The following TIAM2 variants were observed in gnomAD, a reference collection of about 807,000 sequenced individuals.
TIAM2 encodes TIAM Rac1 associated GEF 2.
In TIAM2, 80 loss-of-function variants were observed where a neutral mutation model predicts 152.9. The observed-to-expected ratio is 0.52, with a 90% CI of 0.44 to 0.63. The LOEUF (loss-of-function observed/expected upper bound fraction) is 0.63. Among genes scored for constraint, TIAM2 ranks in the 30% least tolerant of loss-of-function variants. The pLI is 0.00. For missense variants in TIAM2, 1,965 were observed against 2,120.1 expected (o/e 0.93, Z 1.44); for synonymous variants, 804 against 838.0 (o/e 0.96, Z 0.70).
chr6:155,105,895 G>T (rs1386969907), intron 2 of TIAM2, among the ~76,000 whole-genome samples: 4 of 151,894 alleles, frequency 2.6e-5, no homozygotes, highest in Non-Finnish European at 5.9e-5. Flanking sequence ...AAATATGAAG[G>T]TTTGTGATCC....
At chr6:155,225,378 C>T (rs184985459) in intron 15 of TIAM2, among the ~76,000 whole-genome samples, 16 of 152,258 alleles carry the variant, frequency 1.1e-4, no homozygotes, top group African/African-American at 2.2e-4. Flanking sequence ...ATTTGAGCAC[C>T]GAGGTCTTGA....
Position 155,240,721 on chromosome 6 carries a change from G to C in TIAM2, c.3348+12G>C, listed in dbSNP as rs771999403. 2.5e-6 allele frequency: 4 copies of C among 1,603,654 alleles called. No individual in the cohort carries two copies. The Admixed American group carries it at 6.7e-5, about 27-fold the overall frequency. ...AGTCCTACGTGAAGGTAAGGGAAGAGCTGGCATTTATGCATTCGTGCCTCT... is the reference window on the plus strand; with the variant it reads ...AGTCCTACGTGAAGGTAAGGGAAGACCTGGCATTTATGCATTCGTGCCTCT... On this transcript the variant is annotated intron_variant, in intron 16 of 26. Coordinates refer to ENST00000682666, the MANE Select transcript of TIAM2 (RefSeq NM_012454.4).
At chr6:155,089,449 C>T (rs924940835) in intron 1 of TIAM2, among the ~76,000 whole-genome samples, 1 of 152,244 alleles carries the variant, frequency 6.6e-6, no homozygotes, top group South Asian at 2.1e-4. Context: ...TCAAGTGATC[C>T]GCCCACCTTG....
intron 14 of TIAM2, among the ~76,000 whole-genome samples, chr6:155,202,968 A>G (rs1182146488): frequency 6.8e-6 from 1 of 146,654 alleles, no homozygotes; most frequent in East Asian, 2.0e-4. Flanking sequence ...CACGAGAATT[A>G]CACCTGGGAG....
chr6:155,213,618 C>T lies in TIAM2; in HGVS notation c.3168+2311C>T, dbSNP rs571289303. 5.3e-5 allele frequency among the ~76,000 whole-genome samples: 8 copies of T among 152,306 alleles called. No homozygotes were observed. The highest frequency in any genetic ancestry group is 4.1e-4 in the South Asian group (2 of 4,822). The stretch of plus-strand genomic sequence containing the variant: ...CAGCCCCCAGACTTCAGGCCTTCCC[C>T]GGCTTGAAAGTGGGGCTTTTCTGGG... On this transcript the variant is annotated intron_variant, in intron 15 of 26. Transcript: ENST00000682666. This position sits in a 1 kb window ranked among gnomAD's most constrained non-coding sequence, Gnocchi z 4.2.
In TIAM2 at chr6:155,249,879, G is replaced by A. The variant is rs777369325; in HGVS notation, c.3861G>A (p.Ala1287=). ...CACTAAAGGCAATGGAGAAAGTAGCGAGCCACATCAATGAGATGCAGAAGA... is the reference window on the plus strand; with the variant it reads ...CACTAAAGGCAATGGAGAAAGTAGCAAGCCACATCAATGAGATGCAGAAGA... The part of the protein sequence containing the change: ...TEALKAMEKV[A]SHINEMQKIY... Residue 1287 remains alanine, a synonymous_variant, in exon 21 of 27, where the codon GCG becomes GCA. Transcript: ENST00000682666. 13 of 1,613,748 alleles carry A rather than the reference G, an allele frequency of 8.1e-6. No homozygotes were observed. The Admixed American group carries it at 1.0e-4, about 12-fold the overall frequency.
intron 5 of TIAM2, among the ~76,000 whole-genome samples, chr6:155,139,184 C>T (rs763391634): frequency 6.6e-6 from 1 of 152,224 alleles, no homozygotes; most frequent in African/African-American, 2.4e-5. Context: ...CTCAATTACC[C>T]CTTTCTAGCT....
chr6:155,252,073 A>C, intron 23 of TIAM2, 70 bp downstream of exon 23: 1 of 1,280,550 alleles, frequency 7.8e-7, no homozygotes, highest in Middle Eastern at 1.9e-4. Flanking sequence ...CGTTGAACTG[A>C]AAAGCCCACT....
intron 14 of TIAM2, among the ~76,000 whole-genome samples, chr6:155,209,125 C>T (rs1282037155): frequency 6.6e-6 from 1 of 152,044 alleles, no homozygotes; most frequent in Admixed American, 6.5e-5. Flanking sequence ...CACTCAGCAG[C>T]CTGTGGGCTT....
Position 155,256,578 on chromosome 6 carries a change from C to G in TIAM2, c.4563C>G (p.Gly1521=). 6.2e-7 allele frequency: 1 copy of G among 1,614,190 alleles called. No homozygotes were observed. Among genetic ancestry groups the G allele is most frequent in the Non-Finnish European group, 8.5e-7 (1 of 1,180,038 alleles). The change falls in exon 27 of 27, where the codon GGC becomes GGG. Residue 1521 remains glycine (G), a synonymous_variant. Transcript: ENST00000682666. ...GKGTLLDSDE[G]SLSSGTQSSG... is the part of the protein sequence containing the mutation. ...GAACCTTGCTGGACTCTGACGAGGG[C>G]AGCTTGAGCAGCGGCACCCAGAGCA...
chr6:155,053,375 G>A (rs1166072800), intron 1 of TIAM2, among the ~76,000 whole-genome samples: 4 of 151,088 alleles, frequency 2.6e-5, no homozygotes, highest in African/African-American at 9.7e-5. Context: ...GGCTGCTCTT[G>A]AACTCTTGAT....
At chr6:155,128,962 A>G (rs1779367800) in intron 3 of TIAM2, among the ~76,000 whole-genome samples, 1 of 152,166 alleles carries the variant, frequency 6.6e-6, no homozygotes. Context: ...TTCGCCTTCT[A>G]AATTAATATT....
At chr6:155,199,812 T>C (rs187880949) in intron 14 of TIAM2, among the ~76,000 whole-genome samples, 34 of 152,338 alleles carry the variant, frequency 2.2e-4, no homozygotes, top group Non-Finnish European at 4.0e-4. Flanking sequence ...TTCCTAATAA[T>C]AGCAGGCTGT....
intron 2 of TIAM2, among the ~76,000 whole-genome samples, chr6:155,107,117 C>T (rs73573766): frequency 0.023 from 3,482 of 152,100 alleles, 143 homozygotes; most frequent in African/African-American, 0.079. Flanking sequence ...TTCTTATTAA[C>T]GAACAGACCC....
intron 1 of TIAM2, among the ~76,000 whole-genome samples, chr6:155,029,742 C>CTATATA (rs60980296): frequency 7.9e-5 from 10 of 126,580 alleles, no homozygotes; most frequent in Non-Finnish European, 9.8e-5. Context: ...TAGTATATAA[C>CTATATA]TATATATATA....
intron 1 of TIAM2, among the ~76,000 whole-genome samples, chr6:155,029,415 TAC>T (rs1776747890): frequency 1.1e-5 from 1 of 90,252 alleles, no homozygotes; most frequent in South Asian, 2.9e-4. Context: ...ATATAATATA[TAC>T]TATATATACT....
intron 14 of TIAM2, among the ~76,000 whole-genome samples, chr6:155,206,145 G>A (rs368792318): frequency 6.6e-6 from 1 of 152,198 alleles, no homozygotes; most frequent in East Asian, 1.9e-4. Flanking sequence ...AAAGCCAGAT[G>A]TGTTCCCCAG....
rs1428392415 is a variant in TIAM2, at chr6:155,156,583, A to G, written c.2029-7832A>G. ...TGAGGCAGGAGAATCGCTTGAACCC[A>G]GGAAGCAGAGGTTTCCATGAGCTGA... On this transcript the variant is annotated intron_variant, in intron 7 of 26. Coordinates refer to ENST00000682666, the MANE Select transcript of TIAM2 (RefSeq NM_012454.4). This position sits in a 1 kb window ranked among gnomAD's most constrained non-coding sequence, Gnocchi z 4.4. Among the ~76,000 whole-genome samples the G allele has an allele frequency of 1.3e-5, 2 of 152,110 alleles. No homozygotes were observed. Among genetic ancestry groups the G allele is most frequent in the Non-Finnish European group, 2.9e-5 (2 of 68,010 alleles).
At chr6:155,168,418 C>T (rs1341478247) in intron 9 of TIAM2, among the ~76,000 whole-genome samples, 11 of 152,144 alleles carry the variant, frequency 7.2e-5, no homozygotes, top group Admixed American at 7.2e-4. Flanking sequence ...AGTGCAGTGG[C>T]ATGATCTCAG....
Sources: allele counts gnomAD v4.1 joint callset (sites outside exome capture counted in the v4.1 genomes callset), GRCh38; gene constraint gnomAD v4.1.1; non-coding constraint Gnocchi (gnomAD v3.1); transcripts MANE v1.5; gene names NCBI Gene and HGNC (gene_info 2026-07-23, HGNC 2026-07-21).